Variants in HSPA12A observed in about 807,000 individuals in gnomAD.
The protein encoded by HSPA12A is heat shock protein family A (Hsp70) member 12A.
Under a neutral mutation model 69.2 loss-of-function variants are expected in HSPA12A, and 28 were observed. That is an observed-to-expected ratio of 0.40 (90% CI 0.30 to 0.55). HSPA12A has a LOEUF of 0.55. Among genes scored for constraint, HSPA12A ranks in the 20% least tolerant of loss-of-function variants. The probability of loss-of-function intolerance (pLI) is 0.38; values close to 1 mark genes in which losing one functional copy is unlikely to be tolerated. For missense variants in HSPA12A, 686 were observed against 900.7 expected, an observed-to-expected ratio of 0.76 and a Z score of 3.05; for synonymous variants, 345 against 370.5, an observed-to-expected ratio of 0.93 and a Z score of 0.79.
chr10:116,773,612 C>T (rs572158154), intron 2 of HSPA12A, among the ~76,000 whole-genome samples: 5 of 152,350 alleles, frequency 3.3e-5, no homozygotes, highest in South Asian at 2.1e-4. Flanking sequence ...CCTCCTTATT[C>T]CCTGGCCAAC....
intron 5 of HSPA12A, among the ~76,000 whole-genome samples, chr10:116,694,738 G>A (rs1166786171): frequency 2.0e-5 from 3 of 152,104 alleles, no homozygotes; most frequent in Admixed American, 6.5e-5. Flanking sequence ...ACATCCTCAC[G>A]TGGCCTCCTG....
At chr10:116,796,301 G>GAT (rs1025489284) in intron 2 of HSPA12A, among the ~76,000 whole-genome samples, 25 of 151,966 alleles carry the variant, frequency 1.6e-4, no homozygotes, top group African/African-American at 6.1e-4. Context: ...ATAGTTGAAT[G>GAT]ATCAAAATTT....
At chr10:116,801,950 C>T (rs1844965903) in intron 2 of HSPA12A, among the ~76,000 whole-genome samples, 3 of 152,048 alleles carry the variant, frequency 2.0e-5, no homozygotes, top group African/African-American at 7.2e-5. Context: ...ATGTTTGCAA[C>T]TTCTGTGTGA....
chr10:116,800,272 C>T (rs1377216641), intron 2 of HSPA12A, among the ~76,000 whole-genome samples: 1 of 152,158 alleles, frequency 6.6e-6, no homozygotes. Context: ...CCAGCCTCTC[C>T]CCCAACTTAC....
At chr10:116,805,492 G>A (rs1441072589) in intron 2 of HSPA12A, among the ~76,000 whole-genome samples, 2 of 151,948 alleles carry the variant, frequency 1.3e-5, no homozygotes, top group South Asian at 2.1e-4. Flanking sequence ...CACACCTGAG[G>A]ACACAGAAAC....
chr10:116,776,052 TC>T (rs1355288463), intron 2 of HSPA12A, among the ~76,000 whole-genome samples: 2 of 152,160 alleles, frequency 1.3e-5, no homozygotes, highest in Non-Finnish European at 2.9e-5. Context: ...AAGTGACCCA[TC>T]CCATTGGTCT....
chr10:116,718,331 G>T (rs972060624), intron 1 of HSPA12A, among the ~76,000 whole-genome samples: 3 of 152,206 alleles, frequency 2.0e-5, no homozygotes, highest in South Asian at 2.1e-4. Flanking sequence ...GAGGGAAGAG[G>T]AGGTAAGGGT....
chr10:116,844,080 T>G (rs1238342106), intron 1 of HSPA12A, among the ~76,000 whole-genome samples: 2 of 152,222 alleles, frequency 1.3e-5, no homozygotes, highest in Non-Finnish European at 2.9e-5. Flanking sequence ...CTAGCATTAG[T>G]GGAACCTGAG....
chr10:116,846,259 C>A (rs775580449), intron 1 of HSPA12A, among the ~76,000 whole-genome samples: 1 of 151,652 alleles, frequency 6.6e-6, no homozygotes, highest in Non-Finnish European at 1.5e-5. Context: ...CTAAAACTTT[C>A]TTCTTAAAGT....
intron 6 of HSPA12A, among the ~76,000 whole-genome samples, chr10:116,689,093 G>A (rs1458792232): frequency 6.6e-6 from 1 of 152,114 alleles, no homozygotes; most frequent in Non-Finnish European, 1.5e-5. Context: ...CACCCTCTCT[G>A]CAGCCTTTAC....
intron 2 of HSPA12A, among the ~76,000 whole-genome samples, chr10:116,767,987 C>G (rs1467356981): frequency 1.3e-5 from 2 of 152,170 alleles, no homozygotes; most frequent in Non-Finnish European, 2.9e-5. Context: ...AATGGCCCCC[C>G]AAGTCCACTC....
intron 1 of HSPA12A, among the ~76,000 whole-genome samples, chr10:116,718,458 G>A (rs543120528): frequency 9.3e-4 from 141 of 152,270 alleles, no homozygotes; most frequent in African/African-American, 3.3e-3. Context: ...TGGGTAACTC[G>A]GGCACAAACC....
At chr10:116,849,816 C>T (rs1226593169), upstream of HSPA12A, 10 of 1,400,060 alleles carry the variant, frequency 7.1e-6, no homozygotes, top group Non-Finnish European at 7.7e-6. Flanking sequence ...CCTGCGCCTG[C>T]GCCTCAGAAT....
chr10:116,712,977 AATATATATATATATATATAT>A lies in HSPA12A; in HGVS notation c.41-5712_41-5693del, dbSNP rs56007651. ...TGGTACTTATGATTTTAAAAAATGC[AATATATATATATATATATAT>A]ATATATATATATATTTGCATTTCTT... is the stretch of plus-strand genomic sequence containing the variant. On this transcript the variant is annotated intron_variant, in intron 1 of 11. Coordinates refer to ENST00000369209, the MANE Select transcript of HSPA12A (RefSeq NM_025015.3). Among the ~76,000 whole-genome samples the A allele has an allele frequency of 5.1e-4, 41 of 80,850 alleles. 2 individuals are homozygous for A. The highest frequency in any genetic ancestry group is 5.0e-4 in the African/African-American group (9 of 17,860). The allele number at this position is 80,850 out of a possible 152,430, so 53.0% of individuals were successfully genotyped here.
intron 2 of HSPA12A, among the ~76,000 whole-genome samples, chr10:116,797,263 C>A (rs1335889866): frequency 6.6e-6 from 1 of 151,812 alleles, no homozygotes; most frequent in Non-Finnish European, 1.5e-5. Context: ...GTGCACGGGG[C>A]TGACAGGCTG....
intron 2 of HSPA12A, among the ~76,000 whole-genome samples, chr10:116,816,542 G>A (rs1845308121): frequency 6.6e-6 from 1 of 152,200 alleles, no homozygotes; most frequent in Non-Finnish European, 1.5e-5. Context: ...GGCGCCATGT[G>A]GCTCACGCAC....
chr10:116,696,002 C>CAAAAAAAAAAAAAAGAAAA (rs1849887990), intron 5 of HSPA12A, among the ~76,000 whole-genome samples: 1 of 32,714 alleles, frequency 3.1e-5, no homozygotes. Flanking sequence ...GACTCCATCT[C>CAAAAAAAAAAAAAAGAAAA]AAAAAAAAAA....
intron 6 of HSPA12A, among the ~76,000 whole-genome samples, chr10:116,691,350 A>G (rs782369109): frequency 6.6e-6 from 1 of 152,168 alleles, no homozygotes; most frequent in East Asian, 1.9e-4. Context: ...TGGCCATTCA[A>G]CTATGCTGGG....
In HSPA12A at chr10:116,793,119, C is replaced by T. The variant is rs1288717000; in HGVS notation, c.91+41816G>A. Among the ~76,000 whole-genome samples, 4 of 152,120 alleles carry T rather than the reference C, an allele frequency of 2.6e-5. No homozygotes were observed. The East Asian group carries it at 7.7e-4, about 29-fold the overall frequency. On this transcript the variant is annotated intron_variant, in intron 2 of 12. Transcript: ENST00000635765. ...AGGTGAAATACAGACATTTTCAAAA[C>T]AACAAAAACTACGAGAATTCTCCAC...
Sources: allele counts gnomAD v4.1 joint callset (sites outside exome capture counted in the v4.1 genomes callset), GRCh38; gene constraint gnomAD v4.1.1; transcripts MANE v1.5; gene names NCBI Gene and HGNC (gene_info 2026-07-23, HGNC 2026-07-21).